RRAS2: variants seen among roughly 807,000 people sequenced by gnomAD.
The protein encoded by RRAS2 is RAS related 2.
A neutral mutation model predicts 27.6 loss-of-function variants in RRAS2; 7 were observed. That is an observed-to-expected ratio of 0.25 (90% CI 0.14 to 0.48). RRAS2 has a LOEUF of 0.48. Ranked by LOEUF, RRAS2 falls within the 20% of genes least tolerant of loss-of-function variation. RRAS2 has a pLI of 0.99. For missense variants in RRAS2, 178 were observed against 256.2 expected (o/e 0.69, Z 2.08); for synonymous variants, 86 against 90.9 (o/e 0.95, Z 0.31).
At chr11:14,327,852 T>C (rs1591475181) in intron 1 of RRAS2, among the ~76,000 whole-genome samples, 1 of 152,198 alleles carries the variant, frequency 6.6e-6, no homozygotes, top group African/African-American at 2.4e-5. Context: ...TATTTACTTC[T>C]TTCCATACGG....
intron 1 of RRAS2, among the ~76,000 whole-genome samples, chr11:14,302,106 ACAC>A (rs1847727349): frequency 6.7e-6 from 1 of 150,374 alleles, no homozygotes; most frequent in South Asian, 2.1e-4. Context: ...ACACACACAC[ACAC>A]ACCAAAAACC....
intron 1 of RRAS2, among the ~76,000 whole-genome samples, chr11:14,355,913 T>C (rs1463045321): frequency 1.3e-5 from 2 of 152,216 alleles, no homozygotes; most frequent in Non-Finnish European, 1.5e-5. Flanking sequence ...AGTCAGGCAA[T>C]GAATAGCTAC....
intron 3 of RRAS2, 80 bp downstream of exon 3, chr11:14,294,679 AT>A: frequency 6.6e-7 from 1 of 1,508,838 alleles, no homozygotes; most frequent in East Asian, 2.3e-5. Context: ...TCCTTTTTCT[AT>A]AAAAACAAAA....
intron 1 of RRAS2, among the ~76,000 whole-genome samples, chr11:14,355,688 T>C (rs1849056919): frequency 2.0e-5 from 3 of 152,364 alleles, no homozygotes; most frequent in Admixed American, 2.0e-4. Flanking sequence ...TATTTTTTTC[T>C]GCTCAAAATC....
intron 1 of RRAS2, among the ~76,000 whole-genome samples, chr11:14,351,843 C>T (rs531136051): frequency 9.7e-4 from 141 of 145,092 alleles, no homozygotes; most frequent in Non-Finnish European, 1.7e-3. Flanking sequence ...TGCAATGAGC[C>T]GAGATTGTGC....
intron 1 of RRAS2, among the ~76,000 whole-genome samples, chr11:14,316,565 C>A (rs1554949576): frequency 1.3e-5 from 2 of 152,166 alleles, no homozygotes; most frequent in Admixed American, 6.5e-5. Flanking sequence ...CATAGCAAGA[C>A]CCTGTCTCTA....
At position 14,285,317 on chromosome 11, in the gene RRAS2, G is replaced by C. The variant is rs567754095; in HGVS notation, c.409-3597C>G. 1.2e-4 allele frequency among the ~76,000 whole-genome samples: 18 copies of C among 152,270 alleles called. No individual in the cohort carries two copies. In the East Asian group the frequency reaches 3.1e-3, roughly 26 times the overall value. ...AAGTCCCAGCTACTTGGGTGGCTGA[G>C]GCAAGAGGATCACTTGAGCTCAAGA... On this transcript the variant is annotated intron_variant, in intron 4 of 5. Coordinates refer to ENST00000256196, the MANE Select transcript of RRAS2 (RefSeq NM_012250.6).
chr11:14,300,838 G>C (rs1000401380), intron 1 of RRAS2, among the ~76,000 whole-genome samples: 6 of 152,186 alleles, frequency 3.9e-5, no homozygotes, highest in African/African-American at 1.4e-4. Context: ...GTGGTAAGGA[G>C]TGACAACACA....
At chr11:14,331,900 A>C (rs1554951952) in intron 1 of RRAS2, among the ~76,000 whole-genome samples, 1 of 152,224 alleles carries the variant, frequency 6.6e-6, no homozygotes, top group Non-Finnish European at 1.5e-5. Flanking sequence ...ACAGACACAC[A>C]AAAGGAGCTA....
intron 1 of RRAS2, among the ~76,000 whole-genome samples, chr11:14,334,090 C>T (rs187886661): frequency 1.4e-4 from 22 of 152,262 alleles, no homozygotes; most frequent in Non-Finnish European, 2.9e-4. Flanking sequence ...GAAATTACTT[C>T]ATCAGAAAAA....
rs1276324038 is a variant in RRAS2, at chr11:14,332,898, CA to C, written c.108+25864del. 3.0e-4 allele frequency among the ~76,000 whole-genome samples: 45 copies of C among 151,914 alleles called. 1 individual carries two copies. The highest frequency in any genetic ancestry group is 1.1e-3 in the African/African-American group (44 of 41,474). ...CCCTGGAAACAATAACAATATAAACCAAAAAAAGTTTAAATATCATTTTATA... is the reference window on the plus strand; with the variant it reads ...CCCTGGAAACAATAACAATATAAACCAAAAAAGTTTAAATATCATTTTATA... On this transcript the variant is annotated intron_variant, in intron 1 of 5. Transcript: ENST00000256196.
upstream of RRAS2, among the ~76,000 whole-genome samples, chr11:14,360,389 C>T (rs1849175682): frequency 6.6e-6 from 1 of 151,924 alleles, no homozygotes; most frequent in Non-Finnish European, 1.5e-5. Context: ...ATCCTGAATT[C>T]CTTTTTTAAA....
chr11:14,280,726 C>CAAAAAAAAAAAA lies in RRAS2; in HGVS notation c.527+864_527+875dup, dbSNP rs58781581. Among the ~76,000 whole-genome samples the CAAAAAAAAAAAA allele has an allele frequency of 3.9e-4, 19 of 48,328 alleles. 2 individuals carry two copies. Among genetic ancestry groups the CAAAAAAAAAAAA allele is most frequent in the East Asian group, 6.4e-4 (1 of 1,564 alleles). 31.7% of individuals were successfully genotyped at this position (48,328 alleles called of 152,430 possible). ...GGGTGACAAAGAGAAACTCTGTTTC[C>CAAAAAAAAAAAA]AAAAAAAAAAAAAAAAAAAAAAAAA... On this transcript the variant is annotated intron_variant, in intron 5 of 5. Coordinates refer to ENST00000256196, the MANE Select transcript of RRAS2 (RefSeq NM_012250.6).
At chr11:14,332,990 G>T (rs1375826452) in intron 1 of RRAS2, among the ~76,000 whole-genome samples, 2 of 151,990 alleles carry the variant, frequency 1.3e-5, no homozygotes, top group African/African-American at 4.8e-5. Context: ...AAAACTTTAT[G>T]AAAGTATAAA....
intron 1 of RRAS2, among the ~76,000 whole-genome samples, chr11:14,344,818 C>T (rs1227885153): frequency 6.6e-6 from 1 of 152,136 alleles, no homozygotes; most frequent in Non-Finnish European, 1.5e-5. Context: ...ACTTCTAAAA[C>T]TCAAGATTCA....
intron 1 of RRAS2, among the ~76,000 whole-genome samples, chr11:14,346,184 T>A (rs1554954039): frequency 6.6e-6 from 1 of 152,196 alleles, no homozygotes; most frequent in African/African-American, 2.4e-5. Flanking sequence ...ATTTGATAAA[T>A]CTTCCTAGAA....
intron 3 of RRAS2, 81 bp from the exon 4 acceptor site, chr11:14,294,660 CT>C: frequency 6.8e-7 from 1 of 1,468,016 alleles, no homozygotes; most frequent in African/African-American, 1.4e-5. Flanking sequence ...CCAATTAGTA[CT>C]TTATTTTTCC....
At chr11:14,309,992 C>A (rs1847923264) in intron 1 of RRAS2, among the ~76,000 whole-genome samples, 1 of 152,082 alleles carries the variant, frequency 6.6e-6, no homozygotes, top group South Asian at 2.1e-4. Flanking sequence ...TACAATAAAT[C>A]ATGAAAAGAA....
At chr11:14,329,428 T>C (rs1848440398) in intron 1 of RRAS2, among the ~76,000 whole-genome samples, 1 of 152,192 alleles carries the variant, frequency 6.6e-6, no homozygotes, top group Non-Finnish European at 1.5e-5. Flanking sequence ...TTATATATTT[T>C]AAAGCAGAGA....
Sources: gnomAD v4.1 joint callset for allele counts (sites outside exome capture counted in the v4.1 genomes callset) on GRCh38, gnomAD v4.1.1 for gene constraint, MANE v1.5 for transcripts, NCBI Gene and HGNC (gene_info 2026-07-23, HGNC 2026-07-21) for gene names.